KAT6B: variants seen among roughly 807,000 people sequenced by gnomAD.
KAT6B encodes the protein lysine acetyltransferase 6B, also known as histone acetyltransferase KAT6B.
KAT6B carries 10 observed loss-of-function variants against 187.5 expected under a neutral mutation model. The observed-to-expected ratio is 0.05, with a 90% CI of 0.03 to 0.09. The LOEUF (loss-of-function observed/expected upper bound fraction) is 0.09. Ranked by LOEUF, KAT6B falls within the 10% of genes least tolerant of loss-of-function variation. The probability of loss-of-function intolerance (pLI) is 1.00; values close to 1 mark genes in which losing one functional copy is unlikely to be tolerated. For missense variants in KAT6B, 1,952 were observed against 2,558.9 expected, an observed-to-expected ratio of 0.76 and a Z score of 5.12; for synonymous variants, 861 against 926.8, an observed-to-expected ratio of 0.93 and a Z score of 1.29.
intron 1 of KAT6B, among the ~76,000 whole-genome samples, chr10:74,835,297 C>T (rs1328495015): frequency 6.6e-6 from 1 of 152,158 alleles, no homozygotes; most frequent in Non-Finnish European, 1.5e-5. Context: ...CCCATCCATC[C>T]AAGAGATGTT....
chr10:74,876,632 G>A (rs1844431723), intron 3 of KAT6B, among the ~76,000 whole-genome samples: 1 of 152,052 alleles, frequency 6.6e-6, no homozygotes, highest in South Asian at 2.1e-4. Flanking sequence ...GAAAACTTTT[G>A]GCTGGGTGTG....
chr10:74,996,831 G>A (rs1185997198), intron 13 of KAT6B, among the ~76,000 whole-genome samples: 1 of 150,314 alleles, frequency 6.7e-6, no homozygotes, highest in African/African-American at 2.4e-5. Context: ...CTGATCTTTG[G>A]ATGGTCAAGG....
chr10:75,029,343 C>G lies in KAT6B; in HGVS notation c.4519C>G (p.Pro1507Ala). The G allele has an allele frequency of 6.2e-7, 1 of 1,614,040 alleles. No individual in the cohort carries two copies. The highest frequency in any genetic ancestry group is 8.5e-7 in the Non-Finnish European group (1 of 1,180,020). Residue 1507 changes from proline to alanine, a missense_variant, in exon 18 of 18, where the codon CCC (proline) becomes GCC (alanine). This residue lies in a region of KAT6B where 758 missense variants were observed against 891.4 expected (regional missense o/e 0.85). Coordinates refer to ENST00000287239, the MANE Select transcript of KAT6B (RefSeq NM_012330.4). The surrounding 1 kb of genome is among the most constrained non-coding windows in gnomAD (Gnocchi z 6.2). The part of the protein sequence containing the change: ...EAVPESDEEP[P>A]PGEQAQKQDQ... Reference sequence around the variant, plus strand: ...TGTACCCGAATCTGACGAGGAGCCACCCCCAGGAGAACAGGCACAGAAGCA... The same window carrying G: ...TGTACCCGAATCTGACGAGGAGCCAGCCCCAGGAGAACAGGCACAGAAGCA...
At chr10:75,014,288 A>G (rs1272507167) in intron 13 of KAT6B, among the ~76,000 whole-genome samples, 1 of 152,222 alleles carries the variant, frequency 6.6e-6, no homozygotes, top group Non-Finnish European at 1.5e-5. Flanking sequence ...CAGCCTGGGC[A>G]ACATAGGGAG....
chr10:74,846,328 GT>G (rs1463064984), intron 3 of KAT6B, among the ~76,000 whole-genome samples: 1 of 152,038 alleles, frequency 6.6e-6, no homozygotes, highest in African/African-American at 2.4e-5. Context: ...AATAACATTT[GT>G]TTAAAAGAAA....
At chr10:74,861,960 CCTCTT>C (rs1230608149) in intron 3 of KAT6B, among the ~76,000 whole-genome samples, 2 of 151,714 alleles carry the variant, frequency 1.3e-5, no homozygotes, top group Non-Finnish European at 2.9e-5. Context: ...GGGCCTCTCT[CCTCTT>C]TGTCTTCATA....
intron 3 of KAT6B, among the ~76,000 whole-genome samples, chr10:74,927,328 A>G (rs984758457): frequency 2.0e-5 from 3 of 151,906 alleles, no homozygotes; most frequent in African/African-American, 7.3e-5. Flanking sequence ...TTGGGGCCTC[A>G]CTGTTTCTGT....
rs560303310 is a variant in KAT6B, at chr10:74,986,136, G to A, written c.2535+895G>A. 5.3e-5 allele frequency among the ~76,000 whole-genome samples: 8 copies of A among 152,298 alleles called. No homozygotes were observed. The East Asian group carries it at 1.3e-3, about 26-fold the overall frequency. On this transcript the variant is annotated intron_variant, in intron 12 of 17. Transcript: ENST00000287239. ...GGGAAAACAATCGACATATTGAGGG[G>A]ACGGATATAGCTTGTCCTTTTTACT...
intron 1 of KAT6B, among the ~76,000 whole-genome samples, chr10:74,831,723 A>G (rs563387003): frequency 3.9e-5 from 6 of 152,298 alleles, no homozygotes; most frequent in African/African-American, 1.4e-4. Context: ...TGTTCCTGCT[A>G]TGTGTCTGCC....
At chr10:75,014,520 A>G (rs1287959613) in intron 13 of KAT6B, among the ~76,000 whole-genome samples, 1 of 152,242 alleles carries the variant, frequency 6.6e-6, no homozygotes, top group Non-Finnish European at 1.5e-5. Context: ...TAGATGAATT[A>G]ATAAATATTT....
At position 74,847,011 on chromosome 10, in the gene KAT6B, G is replaced by A. The variant is rs538601497; in HGVS notation, c.621+3533G>A. 2.5e-4 allele frequency among the ~76,000 whole-genome samples: 38 copies of A among 152,156 alleles called. 2 individuals carry two copies. Among genetic ancestry groups the A allele is most frequent in the African/African-American group, 8.2e-4 (34 of 41,548 alleles). Reference sequence around the variant, plus strand: ...TTTCCACAGTATCTTCTGATCCTTCGCTTTAACCTTGCCCGTCATTTCTTG... The same window carrying A: ...TTTCCACAGTATCTTCTGATCCTTCACTTTAACCTTGCCCGTCATTTCTTG... On this transcript the variant is annotated intron_variant, in intron 3 of 17. Coordinates refer to ENST00000287239, the MANE Select transcript of KAT6B (RefSeq NM_012330.4).
chr10:74,855,718 T>C (rs958668697), intron 3 of KAT6B, among the ~76,000 whole-genome samples: 12 of 152,204 alleles, frequency 7.9e-5, no homozygotes, highest in Non-Finnish European at 1.6e-4. Context: ...ACTTCTCTCC[T>C]AACCTTTATA....
chr10:74,953,687 T>C (rs1840476724), intron 3 of KAT6B, among the ~76,000 whole-genome samples: 1 of 152,198 alleles, frequency 6.6e-6, no homozygotes, highest in African/African-American at 2.4e-5. Context: ...GAGGGTTATA[T>C]GTCCCTGATC....
chr10:75,023,325 C>T (rs2134182037), intron 16 of KAT6B: 1 of 152,374 alleles, frequency 6.6e-6, no homozygotes, highest in East Asian at 1.9e-4. Context: ...CAGCTCAGCG[C>T]TCTTCTAGGC....
chr10:74,942,583 T>C (rs1350471340), intron 3 of KAT6B, among the ~76,000 whole-genome samples: 1 of 151,520 alleles, frequency 6.6e-6, no homozygotes, highest in African/African-American at 2.4e-5. Context: ...CTGACCAAAA[T>C]GGAGAAACCC....
chr10:74,915,229 C>T (rs972688883), intron 3 of KAT6B, among the ~76,000 whole-genome samples: 5 of 152,002 alleles, frequency 3.3e-5, no homozygotes, highest in African/African-American at 9.7e-5. Flanking sequence ...CTAATGTATC[C>T]GTGTAAGTTT....
In KAT6B at chr10:74,970,174, C is replaced by T. The variant is rs562913534; in HGVS notation, c.928+73C>T. 4.1e-5 allele frequency: 45 copies of T among 1,090,536 alleles called. 1 individual carries two copies. The Middle Eastern group carries it at 9.9e-4, about 24-fold the overall frequency. 67.6% of individuals were successfully genotyped at this position (1,090,536 alleles called of 1,614,324 possible). A position where few individuals can be genotyped will look rare whatever the true frequency, so the allele number is the denominator to read the frequency against. On this transcript the variant is annotated intron_variant, in intron 6 of 17. Transcript: ENST00000287239. The stretch of plus-strand genomic sequence containing the variant: ...AGCTTTGTCCTGAGGTCTGACAGCT[C>T]AGAGGTATACAGGTTCTTTAAGCAT...
chr10:75,021,472 G>GA (rs1845404545), intron 15 of KAT6B, among the ~76,000 whole-genome samples, 187 bp downstream of exon 15: 1 of 152,152 alleles, frequency 6.6e-6, no homozygotes, highest in Non-Finnish European at 1.5e-5. Flanking sequence ...AATTGAGTAT[G>GA]AAAAATGAAA....
chr10:74,901,349 G>A (rs1846383944), intron 3 of KAT6B, among the ~76,000 whole-genome samples: 1 of 152,204 alleles, frequency 6.6e-6, no homozygotes, highest in Non-Finnish European at 1.5e-5. Flanking sequence ...TGTAAAGTAT[G>A]TAGTGACCTC....
Sources: allele counts gnomAD v4.1 joint callset (sites outside exome capture counted in the v4.1 genomes callset), GRCh38; gene constraint gnomAD v4.1.1; regional missense constraint gnomAD v4.1.1; non-coding constraint Gnocchi (gnomAD v3.1); transcripts MANE v1.5; gene names NCBI Gene and HGNC (gene_info 2026-07-23, HGNC 2026-07-21).